The following CDK6 variants were observed in gnomAD, a reference collection of about 807,000 sequenced individuals.
CDK6 encodes cyclin dependent kinase 6.
A neutral mutation model predicts 37.1 loss-of-function variants in CDK6; 6 were observed. The ratio of observed to expected loss-of-function variants is 0.16; its 90% CI spans 0.09 to 0.32. The LOEUF (loss-of-function observed/expected upper bound fraction) is 0.32. Among genes scored for constraint, CDK6 ranks in the 10% least tolerant of loss-of-function variants. The pLI is 1.00. For missense variants in CDK6, 224 were observed against 418.9 expected (o/e 0.53, Z 4.06); for synonymous variants, 160 against 161.3 (o/e 0.99, Z 0.06).
chr7:92,763,590 A>G (rs1338359503), intron 3 of CDK6, among the ~76,000 whole-genome samples: 2 of 152,194 alleles, frequency 1.3e-5, no homozygotes, highest in East Asian at 3.8e-4. Flanking sequence ...TCAATAGAAC[A>G]TTTTAAGGAA....
At chr7:92,707,692 G>A (rs975222893) in intron 4 of CDK6, among the ~76,000 whole-genome samples, 2 of 152,226 alleles carry the variant, frequency 1.3e-5, no homozygotes, top group Non-Finnish European at 2.9e-5. Context: ...AAACGTGCGT[G>A]CATGCGCACA....
chr7:92,798,682 T>C (rs1486583469), intron 2 of CDK6, among the ~76,000 whole-genome samples: 2 of 152,160 alleles, frequency 1.3e-5, no homozygotes, highest in South Asian at 2.1e-4. Flanking sequence ...CACTTTAAAG[T>C]CTTCCACAGG....
chr7:92,685,791 C>A (rs1202441079), intron 4 of CDK6, among the ~76,000 whole-genome samples: 1 of 152,140 alleles, frequency 6.6e-6, no homozygotes, highest in East Asian at 1.9e-4. Flanking sequence ...CAATGAAGTT[C>A]CCTCTGTTTT....
At chr7:92,806,406 T>TCCC (rs1448731660) in intron 2 of CDK6, among the ~76,000 whole-genome samples, 2 of 152,216 alleles carry the variant, frequency 1.3e-5, no homozygotes, top group East Asian at 3.8e-4. Flanking sequence ...CCCCCCACCA[T>TCCC]CCCTTTACTT....
intron 5 of CDK6, among the ~76,000 whole-genome samples, chr7:92,668,183 G>A (rs895698535): frequency 2.6e-5 from 4 of 152,052 alleles, no homozygotes; most frequent in African/African-American, 9.7e-5. Flanking sequence ...ATTGCCTATG[G>A]TAGTCAGTAT....
At chr7:92,808,690 G>C (rs1476061340) in intron 2 of CDK6, among the ~76,000 whole-genome samples, 3 of 152,170 alleles carry the variant, frequency 2.0e-5, no homozygotes, top group African/African-American at 7.2e-5. Context: ...AATTCTTCAT[G>C]TGATTTCTCA....
intron 3 of CDK6, among the ~76,000 whole-genome samples, chr7:92,773,439 A>G (rs986798759): frequency 6.6e-6 from 1 of 152,168 alleles, no homozygotes; most frequent in African/African-American, 2.4e-5. Flanking sequence ...TGCCTAGAAA[A>G]CTGTATAAGA....
chr7:92,737,365 G>A (rs147968101), intron 3 of CDK6, among the ~76,000 whole-genome samples: 18 of 152,246 alleles, frequency 1.2e-4, no homozygotes, highest in African/African-American at 3.9e-4. Context: ...TCTTAATTTT[G>A]AAAGTCTAGG....
chr7:92,833,802 C>T lies in CDK6; in HGVS notation c.-367-112G>A, dbSNP rs550061555. On this transcript the variant is annotated intron_variant, in intron 1 of 7. Coordinates refer to ENST00000424848, the MANE Select transcript of CDK6 (RefSeq NM_001145306.2). This position sits in a 1 kb window ranked among gnomAD's most constrained non-coding sequence, Gnocchi z 6.1. ...CTCCTTTACGAAGCCTCCATCGCTA[C>T]CCTCCGCGCGCTCCTGCCCTCTCCC... is the stretch of plus-strand genomic sequence containing the variant. The T allele has an allele frequency of 8.6e-5, 35 of 405,090 alleles. No individual in the cohort carries two copies. The highest frequency in any genetic ancestry group is 7.2e-4 in the African/African-American group (35 of 48,780). The allele number at this position is 405,090 out of a possible 1,614,324, so 25.1% of individuals were successfully genotyped here.
chr7:92,737,366 A>T (rs78033586), intron 3 of CDK6, among the ~76,000 whole-genome samples: 10 of 152,322 alleles, frequency 6.6e-5, no homozygotes, highest in Non-Finnish European at 1.2e-4. Context: ...CTTAATTTTG[A>T]AAGTCTAGGT....
In CDK6 at chr7:92,613,970, T is replaced by C. The variant is rs2116473500; in HGVS notation, c.*1170A>G. 8.6e-6 allele frequency: 2 copies of C among 233,228 alleles called. No homozygotes were observed. The highest frequency in any genetic ancestry group is 1.7e-5 in the Non-Finnish European group (2 of 118,022). The allele number at this position is 233,228 out of a possible 1,614,324, so 14.4% of individuals were successfully genotyped here. A position where few individuals can be genotyped will look rare whatever the true frequency, so the allele number is the denominator to read the frequency against. On this transcript the variant is annotated 3_prime_UTR_variant, in exon 8 of 8. Coordinates refer to ENST00000424848, the MANE Select transcript of CDK6 (RefSeq NM_001145306.2). ...GTGCATGGGAACAGCTTAAGCAATC[T>C]GTTATTAGTTATACAATGGTAGCAA...
At chr7:92,627,444 A>G (rs962708829) in intron 5 of CDK6, among the ~76,000 whole-genome samples, 1 of 152,072 alleles carries the variant, frequency 6.6e-6, no homozygotes, top group Non-Finnish European at 1.5e-5. Flanking sequence ...CTTATAAGAG[A>G]GACCCTGGAA....
chr7:92,615,335 A>G (rs757754311), intron 7 of CDK6, 49 bp from the exon 8 acceptor site: 1 of 1,438,752 alleles, frequency 7.0e-7, no homozygotes, highest in South Asian at 1.1e-5. Context: ...CATCAATGTA[A>G]ATAATGTACT....
chr7:92,731,347 G>A (rs543831406), intron 3 of CDK6, among the ~76,000 whole-genome samples: 3 of 152,308 alleles, frequency 2.0e-5, no homozygotes, highest in South Asian at 4.1e-4. Flanking sequence ...GGTTCAAGAG[G>A]ATTCCTTAAA....
chr7:92,632,378 G>T lies in CDK6; in HGVS notation c.648-9292C>A, dbSNP rs148527864. ...GTATCAGTCATAAAGCATTACAAAT[G>T]ATCTAAAAATATTCTCAAATTGGAT... is the stretch of plus-strand genomic sequence containing the variant. On this transcript the variant is annotated intron_variant, in intron 5 of 7. Transcript: ENST00000424848. Among the ~76,000 whole-genome samples, 29 of 152,236 alleles carry T rather than the reference G, an allele frequency of 1.9e-4. No homozygotes were observed. The East Asian group carries it at 5.0e-3, about 26-fold the overall frequency.
At chr7:92,652,420 T>G (rs1326854833) in intron 5 of CDK6, among the ~76,000 whole-genome samples, 2 of 152,204 alleles carry the variant, frequency 1.3e-5, no homozygotes, top group African/African-American at 2.4e-5. Flanking sequence ...GCCTTTCATA[T>G]ATTTATTTTT....
At chr7:92,816,255 A>G (rs1258115310) in intron 2 of CDK6, among the ~76,000 whole-genome samples, 1 of 152,316 alleles carries the variant, frequency 6.6e-6, no homozygotes, top group East Asian at 1.9e-4. Context: ...GAAATGACAG[A>G]ACTTATGGAA....
In CDK6 at chr7:92,669,854, G is replaced by A. The variant is rs182590307; in HGVS notation, c.647+1572C>T. ...TTATCCTGGAGGCTGTATTAGGATC[G>A]GAGGACTTGTTGAAACACAGGTTGC... On this transcript the variant is annotated intron_variant, in intron 5 of 7. Coordinates refer to ENST00000424848, the MANE Select transcript of CDK6 (RefSeq NM_001145306.2). Among the ~76,000 whole-genome samples, 314 of 152,252 alleles carry A rather than the reference G, an allele frequency of 2.1e-3. 2 individuals carry two copies. The highest frequency in any genetic ancestry group is 6.8e-3 in the African/African-American group (282 of 41,548).
At position 92,623,127 on chromosome 7, in the gene CDK6, A is replaced by C. The variant is rs564684113; in HGVS notation, c.648-41T>G. 7 of 1,274,544 alleles carry C rather than the reference A, an allele frequency of 5.5e-6. 1 individual carries two copies. Among genetic ancestry groups the C allele is most frequent in the Middle Eastern group, 3.7e-4 (2 of 5,362 alleles). The allele number at this position is 1,274,544 out of a possible 1,614,324, so 79.0% of individuals were successfully genotyped here. On this transcript the variant is annotated intron_variant, in intron 5 of 7. Transcript: ENST00000424848. The stretch of plus-strand genomic sequence containing the variant: ...TACATTTTAAATAAGAAATGTTCTC[A>C]GATTACATTTCAATCATATTTGCCA...
Sources: allele counts gnomAD v4.1 joint callset (sites outside exome capture counted in the v4.1 genomes callset), GRCh38; gene constraint gnomAD v4.1.1; non-coding constraint Gnocchi (gnomAD v3.1); transcripts MANE v1.5; gene names NCBI Gene and HGNC (gene_info 2026-07-23, HGNC 2026-07-21).